GRM5: variants seen among roughly 807,000 people sequenced by gnomAD.
GRM5 encodes the protein glutamate metabotropic receptor 5, also known as metabotropic glutamate receptor 5.
A neutral mutation model predicts 83.1 loss-of-function variants in GRM5; 19 were observed. The observed-to-expected ratio is 0.23, with a 90% CI of 0.16 to 0.34. GRM5 has a LOEUF of 0.34. GRM5 is among the 10% of genes least tolerant of loss of function. GRM5 has a pLI of 1.00. For missense variants in GRM5, 1,160 were observed against 1,588.3 expected (o/e 0.73, Z 4.58); for synonymous variants, 675 against 633.6 (o/e 1.07, Z -0.98).
At chr11:88,967,596 C>G (rs1161411249) in intron 2 of GRM5, among the ~76,000 whole-genome samples, 1 of 151,950 alleles carries the variant, frequency 6.6e-6, no homozygotes, top group Non-Finnish European at 1.5e-5. Context: ...CGGCATTAAT[C>G]CATTCATGAG....
chr11:88,599,823 C>A (rs1203558490), intron 5 of GRM5, among the ~76,000 whole-genome samples: 1 of 152,032 alleles, frequency 6.6e-6, no homozygotes, highest in African/African-American at 2.4e-5. Flanking sequence ...ACCATCCTGG[C>A]TAACATGGTG....
intron 3 of GRM5, among the ~76,000 whole-genome samples, chr11:88,801,662 G>A (rs1190213794): frequency 1.3e-5 from 2 of 152,062 alleles, no homozygotes; most frequent in Non-Finnish European, 2.9e-5. Context: ...AATGTGGGAG[G>A]CATAGGTGAG....
At chr11:88,930,233 A>T (rs1046181359) in intron 2 of GRM5, among the ~76,000 whole-genome samples, 9 of 150,018 alleles carry the variant, frequency 6.0e-5, no homozygotes, top group Admixed American at 4.0e-4. Flanking sequence ...GCATAGTGAG[A>T]CCCAGTGTTC....
chr11:88,676,341 C>T (rs1940326957), intron 3 of GRM5, among the ~76,000 whole-genome samples: 1 of 151,902 alleles, frequency 6.6e-6, no homozygotes, highest in Non-Finnish European at 1.5e-5. Flanking sequence ...ATTTATTAGG[C>T]ACCTATTATA....
intron 3 of GRM5, among the ~76,000 whole-genome samples, chr11:88,765,740 G>GA (rs920114251): frequency 2.5e-4 from 37 of 150,226 alleles, no homozygotes; most frequent in African/African-American, 6.6e-4. Context: ...ACAACTCAAA[G>GA]AAAAAAAAAC....
chr11:89,038,384 T>C (rs1042551814), intron 2 of GRM5, among the ~76,000 whole-genome samples: 3 of 152,216 alleles, frequency 2.0e-5, no homozygotes, highest in African/African-American at 4.8e-5. Flanking sequence ...GAATTGCCTT[T>C]CATATATAAG....
intron 4 of GRM5, among the ~76,000 whole-genome samples, chr11:88,649,552 C>T (rs527613130): frequency 6.8e-6 from 1 of 146,180 alleles, no homozygotes; most frequent in Non-Finnish European, 1.5e-5. Context: ...ATTTTATTTG[C>T]TATATTGACA....
At chr11:88,731,620 G>A (rs1941810563) in intron 3 of GRM5, among the ~76,000 whole-genome samples, 2 of 151,924 alleles carry the variant, frequency 1.3e-5, no homozygotes, top group Admixed American at 6.6e-5. Flanking sequence ...ATTATTGATG[G>A]GATTTTGTTG....
At chr11:88,985,005 C>T (rs1939656197) in intron 2 of GRM5, 2 of 501,200 alleles carry the variant, frequency 4.0e-6, no homozygotes, top group Middle Eastern at 3.8e-4. Flanking sequence ...AATTTTACTC[C>T]ATTCCACTTA....
intron 9 of GRM5, among the ~76,000 whole-genome samples, chr11:88,515,051 A>T (rs1287009821): frequency 6.6e-6 from 1 of 151,994 alleles, no homozygotes; most frequent in African/African-American, 2.4e-5. Flanking sequence ...TCTCTTAACT[A>T]GTCTTTGGTT....
chr11:88,782,294 T>A (rs1942989078), intron 3 of GRM5, among the ~76,000 whole-genome samples: 1 of 152,112 alleles, frequency 6.6e-6, no homozygotes. Flanking sequence ...GTAATGGACT[T>A]ACAGTTCCAC....
intron 2 of GRM5, among the ~76,000 whole-genome samples, chr11:88,983,611 T>C (rs1939596504): frequency 1.3e-5 from 2 of 152,180 alleles, no homozygotes; most frequent in Admixed American, 1.3e-4. Context: ...TTACATACAG[T>C]ACCTAACACT....
At chr11:88,949,638 C>T (rs1360071768) in intron 2 of GRM5, among the ~76,000 whole-genome samples, 1 of 151,988 alleles carries the variant, frequency 6.6e-6, no homozygotes, top group Non-Finnish European at 1.5e-5. Context: ...AATAATAACG[C>T]ATAGATTTTT....
chr11:88,687,571 A>ATTATATATATTATATATATATAT, intron 3 of GRM5, among the ~76,000 whole-genome samples: 1 of 27,594 alleles, frequency 3.6e-5, no homozygotes, highest in South Asian at 2.5e-3. Context: ...TTATATATAT[A>ATTATATATATTATATATATATAT]TATATATAAT....
chr11:88,816,550 AAAAAGAAAAGAAAAG>A (rs1555020776), intron 3 of GRM5, among the ~76,000 whole-genome samples: 13 of 142,030 alleles, frequency 9.2e-5, no homozygotes, highest in African/African-American at 3.8e-4. Flanking sequence ...AAAAAAAAAA[AAAAAGAAAAGAAAAG>A]AAAAAGAAAT....
At chr11:88,944,577 A>G (rs187216161) in intron 2 of GRM5, among the ~76,000 whole-genome samples, 2 of 151,882 alleles carry the variant, frequency 1.3e-5, no homozygotes, top group African/African-American at 4.8e-5. Context: ...AATTTTATTA[A>G]CTATAATTCT....
chr11:88,934,444 T>G (rs1162046641), intron 2 of GRM5, among the ~76,000 whole-genome samples: 1 of 151,830 alleles, frequency 6.6e-6, no homozygotes, highest in Non-Finnish European at 1.5e-5. Flanking sequence ...CATGATGCAT[T>G]TGCACCAGGT....
chr11:88,570,355 A>G (rs968867593), intron 7 of GRM5, among the ~76,000 whole-genome samples: 1 of 151,592 alleles, frequency 6.6e-6, no homozygotes, highest in East Asian at 1.9e-4. Context: ...GTGTTATATG[A>G]CCTCATTAAG....
At chr11:88,989,521 T>A (rs1316811488) in intron 2 of GRM5, among the ~76,000 whole-genome samples, 5 of 132,482 alleles carry the variant, frequency 3.8e-5, no homozygotes, top group Non-Finnish European at 6.5e-5. Flanking sequence ...CTAATAGACA[T>A]CTACAGAACT....
Sources: gnomAD v4.1 joint callset for allele counts (sites outside exome capture counted in the v4.1 genomes callset) on GRCh38, gnomAD v4.1.1 for gene constraint, MANE v1.5 for transcripts, NCBI Gene and HGNC (gene_info 2026-07-23, HGNC 2026-07-21) for gene names.